Variants in CCDC85C observed in about 807,000 individuals in gnomAD.
CCDC85C encodes coiled-coil domain-containing protein 85C.
In CCDC85C, 18 loss-of-function variants were observed where a neutral mutation model predicts 38.3. The observed-to-expected ratio is 0.47, with a 90% CI of 0.33 to 0.70. The LOEUF is 0.70. Among genes scored for constraint, CCDC85C ranks in the 30% least tolerant of loss-of-function variants. The pLI is 0.03. For missense variants in CCDC85C, 566 were observed against 621.2 expected, an observed-to-expected ratio of 0.91 and a Z score of 0.94; for synonymous variants, 264 against 293.8, an observed-to-expected ratio of 0.90 and a Z score of 1.04.
At chr14:99,595,573 C>T (rs2055134340) in intron 1 of CCDC85C, among the ~76,000 whole-genome samples, 1 of 152,194 alleles carries the variant, frequency 6.6e-6, no homozygotes, top group Non-Finnish European at 1.5e-5. Context: ...ATCTTCAAGG[C>T]CCATCTCAGT....
At chr14:99,529,551 G>A (rs773918517) in intron 2 of CCDC85C, among the ~76,000 whole-genome samples, 7 of 152,008 alleles carry the variant, frequency 4.6e-5, no homozygotes, top group African/African-American at 7.2e-5. Context: ...TACAGGTGCC[G>A]GCCACCATGC....
rs1363553896 is a variant in CCDC85C at position 99,511,650 on chromosome 14, C to T, written c.*3596G>A. ...GGCTGCAGCTCACAGCAGCCACAGCCAACCCCACTGCCTCCCAAGGCACTC... is the reference window on the plus strand; with the variant it reads ...GGCTGCAGCTCACAGCAGCCACAGCTAACCCCACTGCCTCCCAAGGCACTC... On this transcript the variant is annotated 3_prime_UTR_variant, in exon 6 of 6. Transcript: ENST00000380243. 6.6e-6 allele frequency: 1 copy of T among 152,520 alleles called. No homozygotes were observed. The highest frequency in any genetic ancestry group is 1.5e-5 in the Non-Finnish European group (1 of 68,070). 9.4% of individuals were successfully genotyped at this position (152,520 alleles called of 1,614,324 possible). A position where few individuals can be genotyped will look rare whatever the true frequency, so the allele number is the denominator to read the frequency against.
At chr14:99,543,826 G>C (rs913920690) in intron 1 of CCDC85C, among the ~76,000 whole-genome samples, 1 of 152,204 alleles carries the variant, frequency 6.6e-6, no homozygotes, top group Non-Finnish European at 1.5e-5. Context: ...GAAGGCAAGA[G>C]GCCTGAGAGA....
chr14:99,518,619 C>T (rs971399162), intron 3 of CCDC85C, among the ~76,000 whole-genome samples: 3 of 152,206 alleles, frequency 2.0e-5, no homozygotes, highest in African/African-American at 4.8e-5. Context: ...CGCACACATA[C>T]GGCCCTGGGA....
Position 99,507,109 on chromosome 14 carries a change from C to T in CCDC85C, c.*8137G>A. The stretch of plus-strand genomic sequence containing the variant: ...CCACCTAAAATCCCCAAAATTGAGA[C>T]CACTCATCCACCGTTGCCTCCAGCC... On this transcript the variant is annotated 3_prime_UTR_variant, in exon 6 of 6. Coordinates refer to ENST00000380243, the MANE Select transcript of CCDC85C (RefSeq NM_001144995.2). The T allele has an allele frequency of 6.2e-7, 1 of 1,612,314 alleles. No homozygotes were observed. Among genetic ancestry groups the T allele is most frequent in the East Asian group, 2.2e-5 (1 of 44,880 alleles).
At chr14:99,530,012 T>A (rs1311372093) in intron 2 of CCDC85C, among the ~76,000 whole-genome samples, 1 of 152,240 alleles carries the variant, frequency 6.6e-6, no homozygotes, top group East Asian at 1.9e-4. Context: ...TTAAGCGACC[T>A]GTTCAGTGCC....
At chr14:99,541,438 A>C (rs1897711060) in intron 1 of CCDC85C, among the ~76,000 whole-genome samples, 1 of 152,142 alleles carries the variant, frequency 6.6e-6, no homozygotes, top group African/African-American at 2.4e-5. Context: ...CCTCCCTATG[A>C]TCTTATATCT....
At chr14:99,519,402 C>T (rs1897273748) in intron 3 of CCDC85C, among the ~76,000 whole-genome samples, 1 of 151,678 alleles carries the variant, frequency 6.6e-6, no homozygotes. Flanking sequence ...TAGGCGTGAG[C>T]CACTGAGCCT....
rs1036929322 is a variant in CCDC85C, at chr14:99,544,760, A to G, written c.794-8672T>C. ...ATAAGCGCCCAGCCCCAGATGTGAA[A>G]AGACTTGATGTTAGTGAGGTTTTCA... On this transcript the variant is annotated intron_variant, in intron 1 of 5. Transcript: ENST00000380243. This position sits in a 1 kb window ranked among gnomAD's most constrained non-coding sequence, Gnocchi z 5.3. 6.6e-6 allele frequency among the ~76,000 whole-genome samples: 1 copy of G among 151,866 alleles called. No individual in the cohort carries two copies. Among genetic ancestry groups the G allele is most frequent in the Non-Finnish European group, 1.5e-5 (1 of 67,962 alleles).
At chr14:99,561,916 T>C (rs2139950324) in intron 1 of CCDC85C, among the ~76,000 whole-genome samples, 1 of 152,328 alleles carries the variant, frequency 6.6e-6, no homozygotes, top group East Asian at 1.9e-4. Flanking sequence ...CAAGGGGGCC[T>C]GGCCCTTGCC....
At chr14:99,542,133 C>T (rs532214194) in intron 1 of CCDC85C, among the ~76,000 whole-genome samples, 18 of 152,352 alleles carry the variant, frequency 1.2e-4, no homozygotes, top group Admixed American at 9.8e-4. Flanking sequence ...CACCGTTCAG[C>T]GCAGCAGCTT....
chr14:99,519,099 C>CTTT lies in CCDC85C; in HGVS notation c.976-1919_976-1917dup, dbSNP rs59524541. Among the ~76,000 whole-genome samples the CTTT allele has an allele frequency of 7.7e-4, 40 of 52,222 alleles. 1 individual carries two copies. The highest frequency in any genetic ancestry group is 1.5e-3 in the African/African-American group (18 of 12,114). The allele number at this position is 52,222 out of a possible 152,430, so 34.3% of individuals were successfully genotyped here. ...TATCTTTTTACATGTTCATACATGC[C>CTTT]TTTTTTTTTTTTTTTTTTTTTTTTT... On this transcript the variant is annotated intron_variant, in intron 3 of 5. Coordinates refer to ENST00000380243, the MANE Select transcript of CCDC85C (RefSeq NM_001144995.2).
chr14:99,515,392 A>G (rs912678807), intron 5 of CCDC85C, 57 bp from the exon 6 acceptor site: 32 of 1,310,730 alleles, frequency 2.4e-5, no homozygotes, highest in Middle Eastern at 1.8e-4. Flanking sequence ...CCTGCCGCCT[A>G]TGCACATCCG....
intron 1 of CCDC85C, among the ~76,000 whole-genome samples, chr14:99,582,771 G>C (rs181821073): frequency 6.6e-6 from 1 of 152,018 alleles, no homozygotes; most frequent in Admixed American, 6.6e-5. Flanking sequence ...CTGAGATTGC[G>C]CCTCTGCACT....
At chr14:99,586,378 C>G (rs184978998) in intron 1 of CCDC85C, among the ~76,000 whole-genome samples, 1 of 152,362 alleles carries the variant, frequency 6.6e-6, no homozygotes, top group East Asian at 1.9e-4. Context: ...AAGAAGATGG[C>G]CCAGCCTGGC....
intron 1 of CCDC85C, among the ~76,000 whole-genome samples, chr14:99,549,953 G>A (rs1172356576): frequency 1.3e-5 from 2 of 152,222 alleles, no homozygotes; most frequent in Non-Finnish European, 2.9e-5. Context: ...TGCGATCTCT[G>A]TTCAGAAGAG....
At chr14:99,593,814 T>C (rs955291349) in intron 1 of CCDC85C, among the ~76,000 whole-genome samples, 1 of 152,180 alleles carries the variant, frequency 6.6e-6, no homozygotes, top group South Asian at 2.1e-4. Flanking sequence ...CAGCCTCCAA[T>C]GACACCAGGA....
chr14:99,571,166 A>AT (rs1395846582), intron 1 of CCDC85C, among the ~76,000 whole-genome samples: 3 of 152,092 alleles, frequency 2.0e-5, no homozygotes, highest in Non-Finnish European at 4.4e-5. Context: ...CAGTGCAGTG[A>AT]GGGGCCAGCC....
chr14:99,521,845 C>T (rs1897307355), intron 3 of CCDC85C, among the ~76,000 whole-genome samples: 1 of 152,230 alleles, frequency 6.6e-6, no homozygotes, highest in African/African-American at 2.4e-5. Flanking sequence ...CTCTCCCCAC[C>T]GTGGCCAAGG....
Sources: allele counts gnomAD v4.1 joint callset (sites outside exome capture counted in the v4.1 genomes callset), GRCh38; gene constraint gnomAD v4.1.1; non-coding constraint Gnocchi (gnomAD v3.1); transcripts MANE v1.5; gene names NCBI Gene and HGNC (gene_info 2026-07-23, HGNC 2026-07-21).